Variants in SDR42E2 observed in about 807,000 individuals in gnomAD.
SDR42E2 encodes putative short-chain dehydrogenase/reductase family 42E member 2.
Under a neutral mutation model 10.5 loss-of-function variants are expected in SDR42E2, and 20 were observed. The ratio of observed to expected loss-of-function variants is 1.90; its 90% CI spans 1.34 to 2.77. The LOEUF (loss-of-function observed/expected upper bound fraction) is 2.77, where lower values mean the gene tolerates loss of function less well. SDR42E2 is among the 30% of genes most tolerant of loss of function. SDR42E2 has a pLI of 0.00. For synonymous variants in SDR42E2, 72 were observed against 39.2 expected, an observed-to-expected ratio of 1.84 and a Z score of -3.12; for missense variants, 162 against 104.2, an observed-to-expected ratio of 1.55 and a Z score of -2.42.
chr16:22,190,510 C>T lies in SDR42E2; in HGVS notation c.*117C>T. The T allele has an allele frequency of 2.5e-6, 1 of 399,410 alleles. No homozygotes were observed. Among genetic ancestry groups the T allele is most frequent in the Non-Finnish European group, 4.4e-6 (1 of 226,574 alleles). The allele number at this position is 399,410 out of a possible 1,614,324, so 24.7% of individuals were successfully genotyped here. A position where few individuals can be genotyped will look rare whatever the true frequency, so the allele number is the denominator to read the frequency against. ...TCTGGGTTTGAGCGCGCCTCCGCTC[C>T]GCCCCTTGAATCCTGGTCACGCCCC... On this transcript the variant is annotated 3_prime_UTR_variant, in exon 13 of 13. Coordinates refer to ENST00000602312, the MANE Select transcript of SDR42E2 (RefSeq NM_001394319.2).
intron 7 of SDR42E2, among the ~76,000 whole-genome samples, chr16:22,175,090 C>T (rs751504987): frequency 4.6e-5 from 7 of 152,148 alleles, no homozygotes; most frequent in African/African-American, 1.2e-4. Flanking sequence ...TATGTCCTCC[C>T]GTCTTCTGTC....
intron 7 of SDR42E2, among the ~76,000 whole-genome samples, chr16:22,173,209 AATT>A (rs2046615300): frequency 6.6e-6 from 1 of 151,842 alleles, no homozygotes; most frequent in Non-Finnish European, 1.5e-5. Flanking sequence ...TTTCAAATAC[AATT>A]ATTAATCTCT....
At chr16:22,166,785 C>T in intron 3 of SDR42E2, 119 bp from the exon 4 acceptor site, 1 of 458,340 alleles carries the variant, frequency 2.2e-6, no homozygotes, top group Non-Finnish European at 3.9e-6. Context: ...CCTGATGCTA[C>T]AGAGGCTTGG....
chr16:22,174,249 C>G (rs1187908468), intron 7 of SDR42E2, among the ~76,000 whole-genome samples: 1 of 151,974 alleles, frequency 6.6e-6, no homozygotes, highest in East Asian at 1.9e-4. Flanking sequence ...AGGAGAATCC[C>G]TTGAACCCAG....
intron 12 of SDR42E2, among the ~76,000 whole-genome samples, chr16:22,189,302 G>A (rs1301836406): frequency 1.3e-5 from 2 of 152,192 alleles, no homozygotes; most frequent in African/African-American, 2.4e-5. Flanking sequence ...GAAGAAATGA[G>A]TCAGGTGGGA....
intron 2 of SDR42E2, 53 bp from the exon 3 acceptor site, chr16:22,166,196 AG>A: frequency 2.4e-6 from 1 of 416,276 alleles, no homozygotes. Context: ...GGGCTCAGAC[AG>A]GGGTCTGGGA....
In SDR42E2 at chr16:22,181,553, T is replaced by A; in HGVS notation, c.707T>A (p.Phe236Tyr). 1 of 703,044 alleles carries A rather than the reference T, an allele frequency of 1.4e-6. No individual in the cohort carries two copies. 43.6% of individuals were successfully genotyped at this position (703,044 alleles called of 1,614,324 possible). A position where few individuals can be genotyped will look rare whatever the true frequency, so the allele number is the denominator to read the frequency against. ...HIKKRLFMFRFGDHKARMNWV... is the reference protein window; with the variant it reads ...HIKKRLFMFRYGDHKARMNWV... ...AAGAAGAGGCTGTTCATGTTCCGAT[T>A]TGGGGACCACAAGGCACGGATGAAC... is the stretch of plus-strand genomic sequence containing the variant. The change falls in exon 9 of 13, where the codon TTT becomes TAT. Residue 236 changes from phenylalanine (F) to tyrosine (Y), a missense_variant. Coordinates refer to ENST00000602312, the MANE Select transcript of SDR42E2 (RefSeq NM_001394319.2).
chr16:22,182,770 C>T (rs763242726), intron 10 of SDR42E2, among the ~76,000 whole-genome samples: 4 of 152,250 alleles, frequency 2.6e-5, no homozygotes, highest in Admixed American at 1.3e-4. Flanking sequence ...GAGGCTAACA[C>T]GGGAGGATCG....
intron 7 of SDR42E2, among the ~76,000 whole-genome samples, chr16:22,175,143 C>T (rs1009304227): frequency 4.6e-5 from 7 of 152,052 alleles, no homozygotes; most frequent in Non-Finnish European, 1.0e-4. Flanking sequence ...ACAAATGATG[C>T]CACCCAAACT....
chr16:22,173,129 G>A (rs1026933195), intron 7 of SDR42E2, among the ~76,000 whole-genome samples: 1 of 152,078 alleles, frequency 6.6e-6, no homozygotes, highest in Admixed American at 6.6e-5. Context: ...AGTAATAGTA[G>A]AAGGCAAATA....
chr16:22,189,062 G>C (rs1428560711), intron 12 of SDR42E2, among the ~76,000 whole-genome samples: 1 of 152,116 alleles, frequency 6.6e-6, no homozygotes. Context: ...GACATCTAGA[G>C]ACATCTAGGT....
At chr16:22,179,564 C>T (rs538552564) in intron 8 of SDR42E2, among the ~76,000 whole-genome samples, 1 of 152,182 alleles carries the variant, frequency 6.6e-6, no homozygotes, top group Admixed American at 6.5e-5. Flanking sequence ...GTAATCCCAG[C>T]ACTTTGGGAG....
At chr16:22,178,035 C>A (rs2046659599) in intron 7 of SDR42E2, 95 bp from the exon 8 acceptor site, 1 of 646,954 alleles carries the variant, frequency 1.5e-6, no homozygotes, top group Non-Finnish European at 2.8e-6. Context: ...TCTAGCCTGT[C>A]CAGGTAAGCA....
chr16:22,181,425 C>T (rs1323204102), intron 8 of SDR42E2, 94 bp from the exon 9 acceptor site: 1 of 689,300 alleles, frequency 1.5e-6, no homozygotes, highest in African/African-American at 1.8e-5. Flanking sequence ...AGGGGCCTGA[C>T]CTGGAGCTAG....
At chr16:22,179,813 CA>C (rs397757924) in intron 8 of SDR42E2, among the ~76,000 whole-genome samples, 135 of 94,670 alleles carry the variant, frequency 1.4e-3, no homozygotes, top group Admixed American at 2.0e-3. Context: ...AACTTCATCT[CA>C]AAAAAAAAAA....
chr16:22,178,228 C>T lies in SDR42E2; in HGVS notation c.672+16C>T, dbSNP rs1390211551. On this transcript the variant is annotated intron_variant, in intron 8 of 12. Coordinates refer to ENST00000602312, the MANE Select transcript of SDR42E2 (RefSeq NM_001394319.2). ...CCGTGTGGCGGTACGTCATCCCCGC[C>T]TTCAGGACCCAAGTCAGAGAAGGAT... The T allele has an allele frequency of 7.1e-6, 5 of 702,320 alleles. No homozygotes were observed. Among genetic ancestry groups the T allele is most frequent in the Non-Finnish European group, 1.3e-5 (5 of 384,718 alleles). The allele number at this position is 702,320 out of a possible 1,614,324, so 43.5% of individuals were successfully genotyped here.
chr16:22,185,610 A>AT (rs974727751), intron 11 of SDR42E2, among the ~76,000 whole-genome samples: 1 of 151,972 alleles, frequency 6.6e-6, no homozygotes, highest in African/African-American at 2.4e-5. Context: ...AAGCATCAGT[A>AT]TTTTTTATTT....
Position 22,182,345 on chromosome 16 carries a change from A to ATT in SDR42E2, c.876+78_876+79dup, listed in dbSNP as rs5816171. The ATT allele has an allele frequency of 4.5e-4, 155 of 343,840 alleles. 1 individual carries two copies. Among genetic ancestry groups the ATT allele is most frequent in the East Asian group, 2.2e-3 (52 of 24,048 alleles). 21.3% of individuals were successfully genotyped at this position (343,840 alleles called of 1,614,324 possible). On this transcript the variant is annotated intron_variant, in intron 10 of 12. Transcript: ENST00000602312. ...GATCCCTGACCTTCTCTTCCTTTTT[A>ATT]TTTTTTTTTTTAATTTTTTGAGACA...
In SDR42E2 at chr16:22,179,953, G is replaced by A. The variant is rs192009537; in HGVS notation, c.673-1566G>A. Among the ~76,000 whole-genome samples the A allele has an allele frequency of 9.1e-4, 138 of 152,246 alleles. 1 individual carries two copies. The highest frequency in any genetic ancestry group is 1.7e-3 in the Non-Finnish European group (117 of 68,018). ...ATTTGAGCATCCACTTGACAGAGGT[G>A]ACAAAGTCTGAAAGGCTCTTCCTCC... On this transcript the variant is annotated intron_variant, in intron 8 of 12. Transcript: ENST00000602312.
Sources: allele counts gnomAD v4.1 joint callset (sites outside exome capture counted in the v4.1 genomes callset), GRCh38; gene constraint gnomAD v4.1.1; transcripts MANE v1.5; gene names NCBI Gene and HGNC (gene_info 2026-07-23, HGNC 2026-07-21).